NEK10: variants seen among roughly 807,000 people sequenced by gnomAD.
The protein encoded by NEK10 is NIMA related kinase 10.
In NEK10, 122 loss-of-function variants were observed where a neutral mutation model predicts 159.8. That is an observed-to-expected ratio of 0.76 (90% CI 0.66 to 0.89). The LOEUF is 0.89. Among genes scored for constraint, NEK10 ranks in the 40% least tolerant of loss-of-function variants. NEK10 has a pLI of 0.00. For synonymous variants in NEK10, 466 were observed against 457.1 expected (o/e 1.02, Z -0.25); for missense variants, 1,342 against 1,323.1 (o/e 1.01, Z -0.22).
At chr3:27,112,638 A>T (rs768018893) in intron 35 of NEK10, among the ~76,000 whole-genome samples, 3 of 152,222 alleles carry the variant, frequency 2.0e-5, no homozygotes, top group Non-Finnish European at 2.9e-5. Context: ...GAGGTCAACA[A>T]ACAAGGTCAA....
At chr3:27,362,171 G>A (rs2048734848) in intron 1 of NEK10, among the ~76,000 whole-genome samples, 1 of 152,168 alleles carries the variant, frequency 6.6e-6, no homozygotes, top group Non-Finnish European at 1.5e-5. Context: ...TGGGCAGGGG[G>A]GTGAACAACG....
chr3:27,286,243 G>T (rs370890429), intron 20 of NEK10, among the ~76,000 whole-genome samples: 1 of 150,838 alleles, frequency 6.6e-6, no homozygotes, highest in South Asian at 2.1e-4. Flanking sequence ...CCGCCACGAC[G>T]CCCGGCTAAT....
At chr3:27,114,938 T>C (rs1305106889) in intron 35 of NEK10, among the ~76,000 whole-genome samples, 1 of 152,172 alleles carries the variant, frequency 6.6e-6, no homozygotes, top group African/African-American at 2.4e-5. Context: ...CATACCCCTA[T>C]CTATTCCACT....
chr3:27,320,762 AATACAGT>A (rs2045562342), intron 6 of NEK10, among the ~76,000 whole-genome samples: 1 of 152,202 alleles, frequency 6.6e-6, no homozygotes, highest in African/African-American at 2.4e-5. Context: ...GCCAGTTTAG[AATACAGT>A]ATGAGGAAGA....
intron 5 of NEK10, among the ~76,000 whole-genome samples, chr3:27,333,577 A>G (rs1009205106): frequency 4.6e-5 from 7 of 152,044 alleles, no homozygotes; most frequent in African/African-American, 1.7e-4. Context: ...TTTGTCTTCA[A>G]TAGACTGAAT....
intron 23 of NEK10, among the ~76,000 whole-genome samples, chr3:27,210,441 A>C (rs913673289): frequency 1.3e-5 from 2 of 152,168 alleles, no homozygotes; most frequent in African/African-American, 4.8e-5. Context: ...TAAAGGTCCC[A>C]TCTCCTAATA....
chr3:27,308,733 C>T (rs2044439661), intron 10 of NEK10, among the ~76,000 whole-genome samples, 193 bp downstream of exon 10: 1 of 152,180 alleles, frequency 6.6e-6, no homozygotes, highest in Admixed American at 6.5e-5. Flanking sequence ...AAATTTTAAA[C>T]TGCAATTTGC....
In NEK10 at chr3:27,107,046, AT is replaced by A. The variant is rs1939058340; in HGVS notation, c.*4225del. On this transcript the variant is annotated 3_prime_UTR_variant, in exon 36 of 36. Coordinates refer to ENST00000691995, the MANE Select transcript of NEK10 (RefSeq NM_001394966.1). Reference sequence around the variant, plus strand: ...CAGTTTTGAATTAAGACTACAGTTCATTTACTTTTAGGATAAAGCAATGAAC... The same window carrying A: ...CAGTTTTGAATTAAGACTACAGTTCATTACTTTTAGGATAAAGCAATGAAC... Among the ~76,000 whole-genome samples, 2 of 152,074 alleles carry A rather than the reference AT, an allele frequency of 1.3e-5. No homozygotes were observed. Among genetic ancestry groups the A allele is most frequent in the Non-Finnish European group, 2.9e-5 (2 of 68,016 alleles).
At chr3:27,159,599 T>C (rs1159679931) in intron 30 of NEK10, among the ~76,000 whole-genome samples, 3 of 152,166 alleles carry the variant, frequency 2.0e-5, no homozygotes, top group Non-Finnish European at 1.5e-5. Flanking sequence ...TTGTATAATA[T>C]ATGAATTCCT....
intron 23 of NEK10, among the ~76,000 whole-genome samples, chr3:27,226,364 AAG>A (rs1438369900): frequency 1.3e-5 from 2 of 152,162 alleles, no homozygotes; most frequent in African/African-American, 4.8e-5. Flanking sequence ...AAAAAAAAGA[AAG>A]AAAGAAAGAA....
In NEK10 at chr3:27,202,524, C is replaced by T; in HGVS notation, c.2124G>A (p.Glu708=). The T allele has an allele frequency of 1.2e-6, 2 of 1,612,562 alleles. No homozygotes were observed. Among genetic ancestry groups the T allele is most frequent in the Non-Finnish European group, 1.7e-6 (2 of 1,179,166 alleles). ...AGCCTACTGCCCAGACATCAGCCTT[C>T]TCCCCATACGGCTCACTCTTCAGTA... ...PEVLKSEPYG[E]KADVWAVGCI... Residue 708 remains glutamate (E), a synonymous_variant, in exon 24 of 36, where the codon GAG becomes GAA. Coordinates refer to ENST00000691995, the MANE Select transcript of NEK10 (RefSeq NM_001394966.1).
At chr3:27,236,559 A>T (rs1379111848) in intron 23 of NEK10, among the ~76,000 whole-genome samples, 1 of 152,130 alleles carries the variant, frequency 6.6e-6, no homozygotes, top group East Asian at 1.9e-4. Flanking sequence ...GAAAGAATAC[A>T]AAGAGAGGAA....
rs183063850 is a variant in NEK10, at chr3:27,291,877, C to T, written c.1374-291G>A. Among the ~76,000 whole-genome samples the T allele has an allele frequency of 1.9e-4, 29 of 152,228 alleles. 1 individual carries two copies. The East Asian group carries it at 4.8e-3, about 25-fold the overall frequency. On this transcript the variant is annotated intron_variant, in intron 16 of 35. Transcript: ENST00000691995. ...CAGGATGGTCTCGATCTCCTGACCT[C>T]GTGATCCGCCCGTCTTGGCCTCCCA...
chr3:27,238,360 GT>G (rs1374123544), intron 23 of NEK10, among the ~76,000 whole-genome samples: 1 of 152,122 alleles, frequency 6.6e-6, no homozygotes, highest in Non-Finnish European at 1.5e-5. Flanking sequence ...TTTTCTGTGA[GT>G]TTTTTCCATT....
chr3:27,194,218 C>G (rs1395111367), intron 25 of NEK10: 1 of 151,776 alleles, frequency 6.6e-6, no homozygotes, highest in Admixed American at 6.6e-5. Flanking sequence ...CTCCGCCTCC[C>G]GGGTTCAGGC....
At chr3:27,314,846 C>T (rs187637348) in intron 6 of NEK10, among the ~76,000 whole-genome samples, 175 of 152,282 alleles carry the variant, frequency 1.1e-3, no homozygotes, top group African/African-American at 3.7e-3. Flanking sequence ...CCTGCACCCA[C>T]CCCAGACCTA....
intron 5 of NEK10, among the ~76,000 whole-genome samples, chr3:27,340,614 C>T (rs1197801231): frequency 6.6e-6 from 1 of 152,128 alleles, no homozygotes; most frequent in African/African-American, 2.4e-5. Context: ...AAAAGTTCAA[C>T]ATCACTAATC....
intron 32 of NEK10, 44 bp downstream of exon 32, chr3:27,131,836 G>T (rs752017615): frequency 1.9e-6 from 2 of 1,063,152 alleles, no homozygotes; most frequent in Non-Finnish European, 2.9e-6. Context: ...CTCTTATGAT[G>T]TGGTTTTGTC....
intron 22 of NEK10, among the ~76,000 whole-genome samples, chr3:27,273,100 A>G (rs182582279): frequency 6.6e-6 from 1 of 152,312 alleles, no homozygotes; most frequent in Admixed American, 6.5e-5. Context: ...TTCCAGGCAG[A>G]GGAAATGGCA....
Sources: gnomAD v4.1 joint callset for allele counts (sites outside exome capture counted in the v4.1 genomes callset) on GRCh38, gnomAD v4.1.1 for gene constraint, MANE v1.5 for transcripts, NCBI Gene and HGNC (gene_info 2026-07-23, HGNC 2026-07-21) for gene names.